ZNF407: variants seen among roughly 807,000 people sequenced by gnomAD.
ZNF407 encodes the protein zinc finger protein 407.
A neutral mutation model predicts 131.2 loss-of-function variants in ZNF407; 17 were observed. That is an observed-to-expected ratio of 0.13 (90% CI 0.09 to 0.19). ZNF407 has a LOEUF of 0.19. Ranked by LOEUF, ZNF407 falls within the 10% of genes least tolerant of loss-of-function variation. The pLI, the probability that ZNF407 is intolerant of heterozygous loss-of-function variation, is 1.00. For missense variants in ZNF407, 2,681 were observed against 2,830.6 expected, an observed-to-expected ratio of 0.95 and a Z score of 1.20; for synonymous variants, 1,156 against 1,062.0, an observed-to-expected ratio of 1.09 and a Z score of -1.72.
At chr18:74,992,098 G>A (rs1972725471) in intron 8 of ZNF407, among the ~76,000 whole-genome samples, 1 of 152,172 alleles carries the variant, frequency 6.6e-6, no homozygotes. Context: ...ATAGGGGAGG[G>A]ATGAAGATGT....
intron 4 of ZNF407, among the ~76,000 whole-genome samples, chr18:74,808,088 A>G (rs1032106336): frequency 6.6e-6 from 1 of 151,860 alleles, no homozygotes; most frequent in South Asian, 2.1e-4. Flanking sequence ...ATCTCGGCAC[A>G]CCGCAACTTC....
At chr18:74,805,076 CTCT>C (rs1337681414) in intron 4 of ZNF407, among the ~76,000 whole-genome samples, 6 of 152,168 alleles carry the variant, frequency 3.9e-5, no homozygotes, top group African/African-American at 1.2e-4. Flanking sequence ...AAAAAATGAC[CTCT>C]TTTTTCCCCC....
chr18:74,909,106 G>T (rs1971634662), intron 7 of ZNF407, among the ~76,000 whole-genome samples: 1 of 121,964 alleles, frequency 8.2e-6, no homozygotes, highest in Non-Finnish European at 1.7e-5. Flanking sequence ...AGTTTTTAAA[G>T]TATACTATAA....
chr18:74,937,213 A>G (rs1179054201), intron 8 of ZNF407, among the ~76,000 whole-genome samples: 2 of 152,224 alleles, frequency 1.3e-5, no homozygotes, highest in Admixed American at 6.5e-5. Context: ...CATTGAGTCA[A>G]TTCCATTTTA....
intron 1 of ZNF407, among the ~76,000 whole-genome samples, chr18:74,612,781 C>T (rs1396106680): frequency 6.6e-6 from 1 of 152,076 alleles, no homozygotes; most frequent in African/African-American, 2.4e-5. Flanking sequence ...GGCACCTTGC[C>T]CATGGGCACA....
chr18:74,685,660 GC>G (rs2144786568), intron 3 of ZNF407, among the ~76,000 whole-genome samples: 1 of 152,252 alleles, frequency 6.6e-6, no homozygotes, highest in African/African-American at 2.4e-5. Context: ...TGAGCTTTTT[GC>G]TCCTTCTTGA....
At chr18:75,001,080 G>C (rs74616054) in intron 8 of ZNF407, among the ~76,000 whole-genome samples, 3 of 152,128 alleles carry the variant, frequency 2.0e-5, no homozygotes, top group African/African-American at 7.2e-5. Context: ...CCTATCACAT[G>C]ATGTCCCACC....
intron 4 of ZNF407, among the ~76,000 whole-genome samples, chr18:74,857,056 A>G (rs541399582): frequency 6.6e-6 from 1 of 152,332 alleles, no homozygotes; most frequent in Non-Finnish European, 1.5e-5. Context: ...AAATGATTTA[A>G]GAACGGGTAA....
chr18:74,984,187 T>A (rs1568291661), intron 8 of ZNF407, among the ~76,000 whole-genome samples: 1 of 152,182 alleles, frequency 6.6e-6, no homozygotes, highest in Admixed American at 6.5e-5. Context: ...GTGTACCTCG[T>A]TGTCCAGGTC....
intron 7 of ZNF407, among the ~76,000 whole-genome samples, chr18:74,910,920 G>C (rs576907106): frequency 6.6e-6 from 1 of 151,822 alleles, no homozygotes; most frequent in Non-Finnish European, 1.5e-5. Flanking sequence ...CCCACCTCCC[G>C]TCCCCCTGGG....
chr18:74,916,559 G>A (rs1247841497), intron 7 of ZNF407, among the ~76,000 whole-genome samples: 33 of 131,792 alleles, frequency 2.5e-4, no homozygotes, highest in Non-Finnish European at 4.8e-4. Flanking sequence ...GGGAGTGTGT[G>A]TGTGTGTGTG....
chr18:74,636,459 A>G (rs1984468078), intron 2 of ZNF407, among the ~76,000 whole-genome samples: 1 of 152,202 alleles, frequency 6.6e-6, no homozygotes, highest in Admixed American at 6.5e-5. Flanking sequence ...AGCTTTTCTA[A>G]ATCATTGTGC....
At chr18:75,043,419 T>G (rs1973396769) in intron 8 of ZNF407, among the ~76,000 whole-genome samples, 1 of 152,188 alleles carries the variant, frequency 6.6e-6, no homozygotes, top group Non-Finnish European at 1.5e-5. Flanking sequence ...TGCCAGATAT[T>G]TGGAGGCTGT....
intron 8 of ZNF407, among the ~76,000 whole-genome samples, chr18:75,021,410 C>G (rs1218044015): frequency 6.6e-6 from 1 of 152,008 alleles, no homozygotes; most frequent in East Asian, 1.9e-4. Flanking sequence ...GCTGGTACCA[C>G]AGGCACTCAC....
At chr18:74,672,313 C>CT (rs929915235) in intron 3 of ZNF407, among the ~76,000 whole-genome samples, 11 of 152,126 alleles carry the variant, frequency 7.2e-5, no homozygotes, top group South Asian at 2.1e-4. Flanking sequence ...TGATACTGAG[C>CT]TTTTTTTTAA....
chr18:74,699,730 G>A (rs1038636112), intron 3 of ZNF407, among the ~76,000 whole-genome samples: 1 of 152,136 alleles, frequency 6.6e-6, no homozygotes, highest in South Asian at 2.1e-4. Context: ...ATGTTGAATC[G>A]TTTTCCTGTT....
chr18:74,881,003 C>G, intron 5 of ZNF407, 33 bp from the exon 6 acceptor site: 1 of 1,564,688 alleles, frequency 6.4e-7, no homozygotes, highest in Non-Finnish European at 8.7e-7. Flanking sequence ...TCTGTGACCT[C>G]CGCAGTCCCT....
chr18:74,970,931 T>C (rs1395141320), intron 8 of ZNF407, among the ~76,000 whole-genome samples: 3 of 152,246 alleles, frequency 2.0e-5, no homozygotes, highest in African/African-American at 7.2e-5. Context: ...ATGCAGGCAT[T>C]TCCATACATC....
chr18:75,010,709 C>T (rs1972964451), intron 8 of ZNF407, among the ~76,000 whole-genome samples: 1 of 152,110 alleles, frequency 6.6e-6, no homozygotes, highest in African/African-American at 2.4e-5. Flanking sequence ...CTGCCGTTGT[C>T]TTGTTTTACT....
Sources: allele counts gnomAD v4.1 joint callset (sites outside exome capture counted in the v4.1 genomes callset), GRCh38; gene constraint gnomAD v4.1.1; transcripts MANE v1.5; gene names NCBI Gene and HGNC (gene_info 2026-07-23, HGNC 2026-07-21).